FSCN2: variants seen among roughly 807,000 people sequenced by gnomAD.
FSCN2 encodes fascin actin-bundling protein 2, retinal.
Under a neutral mutation model 37.8 loss-of-function variants are expected in FSCN2, and 46 were observed. The observed-to-expected ratio is 1.22, with a 90% CI of 0.96 to 1.56. The LOEUF (loss-of-function observed/expected upper bound fraction) is 1.56, where lower values mean the gene tolerates loss of function less well. Ranked by LOEUF, FSCN2 falls within the 40% of genes most tolerant of loss-of-function variation. The probability of loss-of-function intolerance (pLI) is 0.00; values close to 1 mark genes in which losing one functional copy is unlikely to be tolerated. For synonymous variants in FSCN2, 351 were observed against 309.4 expected (o/e 1.13, Z -1.41); for missense variants, 844 against 730.4 (o/e 1.16, Z -1.79).
At chr17:81,532,059 GTGA>G (rs1568078605) in intron 1 of FSCN2, among the ~76,000 whole-genome samples, 4 of 128,674 alleles carry the variant, frequency 3.1e-5, no homozygotes, top group South Asian at 5.5e-4. Flanking sequence ...GATGGTGATG[GTGA>G]TGATAGTGAT....
At chr17:81,522,820 G>A in the FSCN2 span, among the ~76,000 whole-genome samples, 7 of 152,168 alleles carry the variant, frequency 4.6e-5, no homozygotes, top group African/African-American at 1.7e-4. Context: ...TGATCTGTTC[G>A]TCACTCTAAG....
At chr17:81,516,494 C>T in the FSCN2 span, among the ~76,000 whole-genome samples, 10 of 152,228 alleles carry the variant, frequency 6.6e-5, no homozygotes, top group Non-Finnish European at 1.2e-4. Context: ...GGTGATGGCC[C>T]TGTTTCCTGA....
chr17:81,522,716 C>G, the FSCN2 span, among the ~76,000 whole-genome samples: 1 of 152,226 alleles, frequency 6.6e-6, no homozygotes, highest in Non-Finnish European at 1.5e-5. Flanking sequence ...ACCTGCAGAC[C>G]TGTGGGCTCG....
chr17:81,536,078 A>G, intron 2 of FSCN2, 68 bp from the exon 3 acceptor site: 1 of 1,554,394 alleles, frequency 6.4e-7, no homozygotes, highest in South Asian at 1.2e-5. Flanking sequence ...CCTGAGGAGG[A>G]TGGGGAAGTG....
At chr17:81,536,116 C>G in intron 2 of FSCN2, 30 bp from the exon 3 acceptor site, 1 of 1,602,148 alleles carries the variant, frequency 6.2e-7, no homozygotes. Flanking sequence ...CTCCTGCTGT[C>G]CTGAGGAGAC....
the FSCN2 span, among the ~76,000 whole-genome samples, chr17:81,518,611 C>A: frequency 9.8e-4 from 149 of 152,326 alleles, 1 homozygote; most frequent in African/African-American, 3.5e-3. Flanking sequence ...CTCTCCTGCC[C>A]GCTAGCTGGT....
In FSCN2 at chr17:81,528,803, T is replaced by C. The variant is rs781966848; in HGVS notation, c.272T>C (p.Leu91Pro). The change falls in exon 1 of 5, where the codon CTG becomes CCG. Residue 91 changes from leucine to proline, a missense_variant. Physicochemically the swap from Leu to Pro is moderately conservative, Grantham distance 98. Transcript: ENST00000417245. Reference protein sequence around the residue: ...AEQPGRDCRFLVLPQPDGRWV... With the variant: ...AEQPGRDCRFPVLPQPDGRWV... ...CAGCCGGGCCGTGACTGCCGCTTCCTGGTCCTGCCGCAGCCAGATGGGCGC... is the reference window on the plus strand; with the variant it reads ...CAGCCGGGCCGTGACTGCCGCTTCCCGGTCCTGCCGCAGCCAGATGGGCGC... 2 of 1,562,600 alleles carry C rather than the reference T, an allele frequency of 1.3e-6. No individual in the cohort carries two copies. The highest frequency in any genetic ancestry group is 2.4e-5 in the East Asian group (1 of 41,736).
intron 1 of FSCN2, among the ~76,000 whole-genome samples, chr17:81,531,601 TG>T (rs2032610514): frequency 7.1e-6 from 1 of 141,682 alleles, no homozygotes; most frequent in Non-Finnish European, 1.5e-5. Context: ...GTGATAGTGA[TG>T]ATAATGGTGA....
In FSCN2 at chr17:81,536,707, C is replaced by T. The variant is rs771285433; in HGVS notation, c.1191C>T (p.Arg397=). 51 of 1,611,260 alleles carry T rather than the reference C, an allele frequency of 3.2e-5. No homozygotes were observed. Among genetic ancestry groups the T allele is most frequent in the Middle Eastern group, 1.6e-4 (1 of 6,082 alleles). The change falls in exon 4 of 5, where the codon CGC becomes CGT. Residue 397 remains arginine, a synonymous_variant. Transcript: ENST00000417245. The part of the protein sequence containing the change: ...RGLDGFVCHH[R]GSNQLDTNRS... ...TGGACGGCTTCGTCTGCCACCACCG[C>T]GGCTCCAACCAGCTGGACACCAACC...
intron 3 of FSCN2, 103 bp downstream of exon 3, chr17:81,536,370 C>A: frequency 6.8e-7 from 1 of 1,473,364 alleles, no homozygotes; most frequent in Middle Eastern, 2.1e-4. Flanking sequence ...CCCTCCCCAG[C>A]CCACGGAACG....
chr17:81,536,851 C>T (rs765071058), intron 4 of FSCN2, 24 bp from the exon 5 acceptor site: 69 of 1,552,050 alleles, frequency 4.4e-5, no homozygotes, highest in South Asian at 2.0e-4. Context: ...TGGGCACCCC[C>T]GCCGACGCCG....
chr17:81,528,352 G>C (rs1418205157), upstream of FSCN2: 1 of 597,644 alleles, frequency 1.7e-6, no homozygotes, highest in Non-Finnish European at 3.0e-6. Flanking sequence ...CCCTCTAAGA[G>C]CTGCCCAGGC....
intron 1 of FSCN2, among the ~76,000 whole-genome samples, chr17:81,533,880 C>T (rs1424971788): frequency 1.3e-5 from 2 of 152,102 alleles, no homozygotes; most frequent in African/African-American, 2.4e-5. Context: ...GGGAGCCCTG[C>T]GATGCTGTGG....
rs1412302496 is a variant in FSCN2, at chr17:81,532,431, A to ATGG, written c.827-2620_827-2619insGGT. Among the ~76,000 whole-genome samples, 17 of 62,900 alleles carry ATGG rather than the reference A, an allele frequency of 2.7e-4. 1 individual carries two copies. The highest frequency in any genetic ancestry group is 1.2e-3 in the African/African-American group (13 of 10,830). 41.3% of individuals were successfully genotyped at this position (62,900 alleles called of 152,430 possible). Reference sequence around the variant, plus strand: ...GATGGTGATGATGGTGATGGTGATGATAATGGTGATGATGATGGTGATGGT... The same window carrying ATGG: ...GATGGTGATGATGGTGATGGTGATGATGGTAATGGTGATGATGATGGTGATGGT... On this transcript the variant is annotated intron_variant, in intron 1 of 4. Transcript: ENST00000417245.
At chr17:81,535,233 T>A in intron 2 of FSCN2, 25 bp downstream of exon 2, 1 of 1,483,430 alleles carries the variant, frequency 6.7e-7, no homozygotes, top group Non-Finnish European at 9.0e-7. Context: ...CCCTTCCTCC[T>A]CCATCATCCC....
chr17:81,522,103 T>A, the FSCN2 span, among the ~76,000 whole-genome samples: 1 of 151,862 alleles, frequency 6.6e-6, no homozygotes, highest in Non-Finnish European at 1.5e-5. Flanking sequence ...GTCTCCTGGG[T>A]TCAAGCAATT....
chr17:81,529,243 C>T lies in FSCN2; in HGVS notation c.712C>T (p.Leu238Phe), dbSNP rs781855403. The change falls in exon 1 of 5, where the codon CTC (leucine) becomes TTC (phenylalanine). Residue 238 changes from leucine (L) to phenylalanine (F), a missense_variant. By Grantham distance (22) the Leu-to-Phe change is conservative. Transcript: ENST00000417245. ...GGCACCCGTGGGGCCCGCAGGCACC[C>T]TCAAGGCCGGCCGAAACACGCGACC... is the stretch of plus-strand genomic sequence containing the variant. ...YLAPVGPAGT[L>F]KAGRNTRPGK... The T allele has an allele frequency of 2.5e-6, 4 of 1,597,498 alleles. No homozygotes were observed. Among genetic ancestry groups the T allele is most frequent in the Non-Finnish European group, 2.6e-6 (3 of 1,170,388 alleles).
chr17:81,528,225 C>G (rs1217775060), upstream of FSCN2, among the ~76,000 whole-genome samples: 1 of 152,238 alleles, frequency 6.6e-6, no homozygotes, highest in Non-Finnish European at 1.5e-5. Flanking sequence ...CCCTCGGGCT[C>G]TGGGCTCTGT....
rs782272650 is a variant in FSCN2, at chr17:81,529,265, G to T, written c.734G>T (p.Arg245Leu). 2 of 1,594,818 alleles carry T rather than the reference G, an allele frequency of 1.3e-6. No homozygotes were observed. Among genetic ancestry groups the T allele is most frequent in the Non-Finnish European group, 1.7e-6 (2 of 1,168,422 alleles). ...AGTLKAGRNT[R>L]PGKDELFDLE... ...ACCCTCAAGGCCGGCCGAAACACGC[G>T]ACCTGGCAAGGATGAGCTCTTTGAT... Residue 245 changes from arginine (R) to leucine (L), a missense_variant, in exon 1 of 5, where the codon CGA becomes CTA. Transcript: ENST00000417245.
Sources: allele counts gnomAD v4.1 joint callset (sites outside exome capture counted in the v4.1 genomes callset), GRCh38; gene constraint gnomAD v4.1.1; transcripts MANE v1.5; gene names NCBI Gene and HGNC (gene_info 2026-07-23, HGNC 2026-07-21).